The following OCM variants were observed in gnomAD, a reference collection of about 807,000 sequenced individuals.
OCM encodes the protein oncomodulin-1.
OCM carries 18 observed loss-of-function variants against 14.1 expected under a neutral mutation model. That is an observed-to-expected ratio of 1.28 (90% CI 0.88 to 1.89). The LOEUF is 1.89. Among genes scored for constraint, OCM ranks in the 40% most tolerant of loss-of-function variants. The pLI, the probability that OCM is intolerant of heterozygous loss-of-function variation, is 0.00. For synonymous variants in OCM, 48 were observed against 51.0 expected (o/e 0.94, Z 0.25); for missense variants, 140 against 137.6 (o/e 1.02, Z -0.09).
the OCM span, among the ~76,000 whole-genome samples, chr7:5,867,873 C>G: frequency 6.6e-6 from 1 of 151,742 alleles, no homozygotes; most frequent in East Asian, 1.9e-4. Flanking sequence ...GTGATCCTCC[C>G]CGGTAGCTGG....
chr7:5,867,456 G>C, the OCM span, among the ~76,000 whole-genome samples: 2 of 151,834 alleles, frequency 1.3e-5, no homozygotes, highest in Admixed American at 1.3e-4. Context: ...CCCTTTATAC[G>C]TGTTGGCTCT....
upstream of OCM, among the ~76,000 whole-genome samples, chr7:5,875,939 A>C (rs1781086748): frequency 1.3e-5 from 2 of 151,194 alleles, no homozygotes; most frequent in Non-Finnish European, 2.9e-5. Flanking sequence ...AGCCTCAATC[A>C]ATCTTCCCAC....
the OCM span, among the ~76,000 whole-genome samples, chr7:5,868,218 C>G: frequency 1.3e-5 from 2 of 152,230 alleles, no homozygotes; most frequent in African/African-American, 4.8e-5. Flanking sequence ...AAGATCACAG[C>G]TCACTACAAC....
Position 5,881,629 on chromosome 7 carries a change from C to CTAAATAAATAAATAAATAAA in OCM, c.61+687_61+706dup, listed in dbSNP as rs113644646. ...TGGACGACAGAGTGAGACTCTGGCT[C>CTAAATAAATAAATAAATAAA]TAAATAAATAAATAAATAAATAAAT... On this transcript the variant is annotated intron_variant, in intron 1 of 3. Transcript: ENST00000242104. Among the ~76,000 whole-genome samples, 406 of 148,730 alleles carry CTAAATAAATAAATAAATAAA rather than the reference C, an allele frequency of 2.7e-3. 1 individual carries two copies. Among genetic ancestry groups the CTAAATAAATAAATAAATAAA allele is most frequent in the Middle Eastern group, 6.8e-3 (2 of 292 alleles).
chr7:5,878,077 T>G (rs1781131391), upstream of OCM, among the ~76,000 whole-genome samples: 1 of 150,682 alleles, frequency 6.6e-6, no homozygotes, highest in East Asian at 2.1e-4. Flanking sequence ...TTCAAGTGAT[T>G]CTCCTGCCTC....
chr7:5,886,284 C>T lies in OCM; in HGVS notation c.*195C>T. 6.2e-6 allele frequency: 4 copies of T among 644,238 alleles called. No individual in the cohort carries two copies. Among genetic ancestry groups the T allele is most frequent in the Non-Finnish European group, 1.1e-5 (4 of 377,276 alleles). 39.9% of individuals were successfully genotyped at this position (644,238 alleles called of 1,614,324 possible). ...GACTTTCTTGGTGGTGGGTATATGC[C>T]CTGACAACTTCTGTAAGCCCCCCTT... On this transcript the variant is annotated 3_prime_UTR_variant, in exon 4 of 4. Transcript: ENST00000242104.
chr7:5,874,850 T>C (rs559591344), upstream of OCM, among the ~76,000 whole-genome samples: 25 of 151,980 alleles, frequency 1.6e-4, no homozygotes, highest in Non-Finnish European at 2.8e-4. Context: ...ATATTCACAT[T>C]GTGCAACTGT....
At chr7:5,885,919 T>C (rs563824762) in intron 3 of OCM, 145 bp from the exon 4 acceptor site, 21 of 640,916 alleles carry the variant, frequency 3.3e-5, no homozygotes, top group African/African-American at 5.5e-5. Flanking sequence ...AGTTTTTCTT[T>C]CTTTTGTGCC....
the OCM span, among the ~76,000 whole-genome samples, chr7:5,870,521 C>CA: frequency 1.3e-5 from 2 of 152,142 alleles, no homozygotes; most frequent in African/African-American, 4.8e-5. Context: ...CTGTGTCTTA[C>CA]AAAATAAGCC....
At position 5,881,618 on chromosome 7, in the gene OCM, A is replaced by C. The variant is rs141035218; in HGVS notation, c.61+668A>C. ...GCACTCCAGCTTGGACGACAGAGTG[A>C]GACTCTGGCTCTAAATAAATAAATA... On this transcript the variant is annotated intron_variant, in intron 1 of 3. Coordinates refer to ENST00000242104, the MANE Select transcript of OCM (RefSeq NM_001097622.2). Among the ~76,000 whole-genome samples, 18 of 130,094 alleles carry C rather than the reference A, an allele frequency of 1.4e-4. No homozygotes were observed. In the East Asian group the frequency reaches 3.6e-3, roughly 26 times the overall value. The allele number at this position is 130,094 out of a possible 152,430, so 85.3% of individuals were successfully genotyped here. A position where few individuals can be genotyped will look rare whatever the true frequency, so the allele number is the denominator to read the frequency against.
chr7:5,885,464 A>G (rs895786571), intron 3 of OCM, among the ~76,000 whole-genome samples: 16 of 152,184 alleles, frequency 1.1e-4, no homozygotes, highest in African/African-American at 3.9e-4. Context: ...TCAGGGAGAA[A>G]TGATAGGCTT....
At chr7:5,884,678 A>T (rs1388378939) in intron 3 of OCM, among the ~76,000 whole-genome samples, 1 of 150,982 alleles carries the variant, frequency 6.6e-6, no homozygotes, top group African/African-American at 2.4e-5. Flanking sequence ...TGGTGGTGCT[A>T]ATTTGAAATT....
chr7:5,862,559 G>A, the OCM span, among the ~76,000 whole-genome samples: 1 of 152,314 alleles, frequency 6.6e-6, no homozygotes, highest in Non-Finnish European at 1.5e-5. Flanking sequence ...CCTACCCTGA[G>A]ATAAATGCAG....
chr7:5,881,034 G>C (rs962937882), intron 1 of OCM, 84 bp downstream of exon 1: 1 of 1,426,856 alleles, frequency 7.0e-7, no homozygotes, highest in Non-Finnish European at 9.9e-7. Context: ...ATGTAGGCCA[G>C]GCGGCCAGAC....
the OCM span, among the ~76,000 whole-genome samples, chr7:5,860,811 C>T: frequency 1.2e-3 from 146 of 125,822 alleles, 11 homozygotes; most frequent in African/African-American, 4.2e-3. Context: ...CACACATACA[C>T]ACATACATAT....
At chr7:5,875,081 G>A (rs553776115), upstream of OCM, among the ~76,000 whole-genome samples, 11 of 144,250 alleles carry the variant, frequency 7.6e-5, no homozygotes, top group South Asian at 1.7e-3. Flanking sequence ...TTGAGACGGA[G>A]TCTTGCTCTG....
chr7:5,882,111 A>G lies in OCM; in HGVS notation c.62-382A>G, dbSNP rs1472142089. Among the ~76,000 whole-genome samples, 27 of 138,572 alleles carry G rather than the reference A, an allele frequency of 1.9e-4. 2 individuals are homozygous for G. Among genetic ancestry groups the G allele is most frequent in the South Asian group, 1.0e-3 (4 of 3,938 alleles). 90.9% of individuals were successfully genotyped at this position (138,572 alleles called of 152,430 possible). ...AAAAAAAAAAAAAAAAAAAAAAAAA[A>G]AAAAAAAAGCGCCAAAGGCCATTTA... On this transcript the variant is annotated intron_variant, in intron 1 of 3. Transcript: ENST00000242104.
the OCM span, among the ~76,000 whole-genome samples, chr7:5,871,173 C>CCG: frequency 1.3e-4 from 6 of 44,814 alleles, no homozygotes; most frequent in Admixed American, 3.4e-4. Flanking sequence ...ATAGTGAGAG[C>CCG]CCCCCCCCCG....
chr7:5,862,896 C>G, the OCM span, among the ~76,000 whole-genome samples: 1 of 146,464 alleles, frequency 6.8e-6, no homozygotes, highest in Non-Finnish European at 1.5e-5. Context: ...TCTTTACTCC[C>G]TCTTTTCATG....
Sources: allele counts gnomAD v4.1 joint callset (sites outside exome capture counted in the v4.1 genomes callset), GRCh38; gene constraint gnomAD v4.1.1; transcripts MANE v1.5; gene names NCBI Gene and HGNC (gene_info 2026-07-23, HGNC 2026-07-21).